The following AUTS2 variants were observed in gnomAD, a reference collection of about 807,000 sequenced individuals.
AUTS2 encodes the protein activator of transcription and developmental regulator AUTS2.
AUTS2 carries 17 observed loss-of-function variants against 112.4 expected under a neutral mutation model. The ratio of observed to expected loss-of-function variants is 0.15; its 90% CI spans 0.10 to 0.23. The LOEUF (loss-of-function observed/expected upper bound fraction) is 0.23, where lower values mean the gene tolerates loss of function less well. Ranked by LOEUF, AUTS2 falls within the 10% of genes least tolerant of loss-of-function variation. The pLI, the probability that AUTS2 is intolerant of heterozygous loss-of-function variation, is 1.00. For missense variants in AUTS2, 1,510 were observed against 1,701.6 expected (o/e 0.89, Z 1.98); for synonymous variants, 751 against 702.7 (o/e 1.07, Z -1.09).
At chr7:70,516,989 T>C (rs1799442461) in intron 5 of AUTS2, among the ~76,000 whole-genome samples, 1 of 152,134 alleles carries the variant, frequency 6.6e-6, no homozygotes, top group African/African-American at 2.4e-5. Context: ...ATATTAGAGA[T>C]AATTAGGTGC....
chr7:69,663,582 TG>T (rs950799383), intron 1 of AUTS2, among the ~76,000 whole-genome samples: 6 of 152,346 alleles, frequency 3.9e-5, no homozygotes, highest in African/African-American at 1.4e-4. Flanking sequence ...CCAACACTTG[TG>T]CTTTTACTGG....
At chr7:70,149,393 T>C (rs995373007) in intron 4 of AUTS2, among the ~76,000 whole-genome samples, 1 of 152,068 alleles carries the variant, frequency 6.6e-6, no homozygotes, top group Non-Finnish European at 1.5e-5. Context: ...TAATTATATT[T>C]CTTAGAAACT....
chr7:70,133,815 T>C (rs1806401497), intron 3 of AUTS2, among the ~76,000 whole-genome samples: 1 of 152,198 alleles, frequency 6.6e-6, no homozygotes, highest in South Asian at 2.1e-4. Flanking sequence ...CCCAAACAAG[T>C]GATGCCCTGC....
At chr7:69,714,411 A>AT (rs1798500971) in intron 1 of AUTS2, among the ~76,000 whole-genome samples, 2 of 151,620 alleles carry the variant, frequency 1.3e-5, no homozygotes, top group South Asian at 2.1e-4. Flanking sequence ...CCCAGTGTAA[A>AT]TTTTTTTTCC....
rs191775614 is a variant in AUTS2 at position 69,893,459 on chromosome 7, A to T, written c.310-5827A>T. ...AATAAACCAGCAAGGGACTTGACAGACCAAAATGACAGGACACAGCCATTA... is the reference window on the plus strand; with the variant it reads ...AATAAACCAGCAAGGGACTTGACAGTCCAAAATGACAGGACACAGCCATTA... On this transcript the variant is annotated intron_variant, in intron 1 of 18. Coordinates refer to ENST00000342771, the MANE Select transcript of AUTS2 (RefSeq NM_015570.4). Among the ~76,000 whole-genome samples, 53 of 152,328 alleles carry T rather than the reference A, an allele frequency of 3.5e-4. 1 individual carries two copies. Among genetic ancestry groups the T allele is most frequent in the Admixed American group, 3.5e-3 (53 of 15,304 alleles).
intron 1 of AUTS2, among the ~76,000 whole-genome samples, chr7:69,748,587 T>G (rs1787608799): frequency 6.6e-6 from 1 of 152,198 alleles, no homozygotes; most frequent in Non-Finnish European, 1.5e-5. Context: ...AAGAGAAATT[T>G]TGTATTCTGA....
At chr7:70,565,852 T>A (rs556469660) in intron 5 of AUTS2, among the ~76,000 whole-genome samples, 1 of 152,336 alleles carries the variant, frequency 6.6e-6, no homozygotes, top group South Asian at 2.1e-4. Context: ...TCTGAACCCT[T>A]TGTTGTAACT....
At position 70,771,457 on chromosome 7, in the gene AUTS2, T is replaced by A. The variant is rs1286919485; in HGVS notation, c.1735-92T>A. Reference sequence around the variant, plus strand: ...ATCAAACTGAGATTACGTGGCTTGCTCATGTCGATGTCTTTCTATGGGACG... The same window carrying A: ...ATCAAACTGAGATTACGTGGCTTGCACATGTCGATGTCTTTCTATGGGACG... On this transcript the variant is annotated intron_variant, in intron 10 of 18. Coordinates refer to ENST00000342771, the MANE Select transcript of AUTS2 (RefSeq NM_015570.4). 2.8e-6 allele frequency: 3 copies of A among 1,061,732 alleles called. No homozygotes were observed. The African/African-American group carries it at 4.7e-5, about 17-fold the overall frequency. 65.8% of individuals were successfully genotyped at this position (1,061,732 alleles called of 1,614,324 possible).
At chr7:69,911,626 G>A (rs1341050495) in intron 2 of AUTS2, among the ~76,000 whole-genome samples, 1 of 152,142 alleles carries the variant, frequency 6.6e-6, no homozygotes, top group East Asian at 1.9e-4. Flanking sequence ...CCACAGGCAG[G>A]TCATCCCTAT....
intron 5 of AUTS2, among the ~76,000 whole-genome samples, chr7:70,560,507 G>C (rs1039541676): frequency 6.6e-6 from 1 of 152,124 alleles, no homozygotes; most frequent in African/African-American, 2.4e-5. Flanking sequence ...TAAAACAACA[G>C]GGTTATTTTT....
chr7:69,773,673 G>A (rs1788769477), intron 1 of AUTS2, among the ~76,000 whole-genome samples: 1 of 152,156 alleles, frequency 6.6e-6, no homozygotes, highest in Admixed American at 6.5e-5. Context: ...AGCAGGCGGT[G>A]CTTCAGTTCC....
chr7:70,245,838 A>G (rs1188966307), intron 4 of AUTS2, among the ~76,000 whole-genome samples: 6 of 152,062 alleles, frequency 3.9e-5, no homozygotes, highest in Non-Finnish European at 7.4e-5. Context: ...AATTGTACCA[A>G]TTTCCACTCT....
intron 1 of AUTS2, among the ~76,000 whole-genome samples, chr7:69,679,936 CCTTTT>C (rs1796719001): frequency 6.6e-6 from 1 of 151,906 alleles, no homozygotes; most frequent in African/African-American, 2.4e-5. Flanking sequence ...AAATCAGTCC[CCTTTT>C]CTTCCTTTAA....
intron 3 of AUTS2, among the ~76,000 whole-genome samples, chr7:70,122,530 C>G (rs908769144): frequency 6.6e-6 from 1 of 151,946 alleles, no homozygotes; most frequent in African/African-American, 2.4e-5. Flanking sequence ...CTTTGTATGC[C>G]TGGCAGTTTT....
intron 2 of AUTS2, among the ~76,000 whole-genome samples, chr7:70,020,860 A>C (rs1482987136): frequency 6.6e-6 from 1 of 151,960 alleles, no homozygotes; most frequent in African/African-American, 2.4e-5. Context: ...TGGCAGAGAC[A>C]AGGTCTTGCC....
chr7:70,786,435 A>G (rs1465987239), intron 17 of AUTS2, among the ~76,000 whole-genome samples: 4 of 152,324 alleles, frequency 2.6e-5, no homozygotes, highest in African/African-American at 9.6e-5. Flanking sequence ...AAAAAGCACA[A>G]TGAAAAATAG....
At chr7:70,531,033 G>A (rs1800062524) in intron 5 of AUTS2, among the ~76,000 whole-genome samples, 1 of 110,986 alleles carries the variant, frequency 9.0e-6, no homozygotes, top group Non-Finnish European at 1.9e-5. Flanking sequence ...GACTTGAGCA[G>A]CTGTGACAGA....
chr7:69,697,941 A>C (rs1435865224), intron 1 of AUTS2, among the ~76,000 whole-genome samples: 3 of 152,210 alleles, frequency 2.0e-5, no homozygotes, highest in Non-Finnish European at 4.4e-5. Flanking sequence ...ACGGCAGTTT[A>C]TAGTGGAGCC....
At chr7:70,264,708 T>C (rs1787334363) in intron 4 of AUTS2, among the ~76,000 whole-genome samples, 1 of 152,194 alleles carries the variant, frequency 6.6e-6, no homozygotes, top group African/African-American at 2.4e-5. Context: ...AGAGAATGTT[T>C]CCTTTTTTTC....
Sources: allele counts gnomAD v4.1 joint callset (sites outside exome capture counted in the v4.1 genomes callset), GRCh38; gene constraint gnomAD v4.1.1; transcripts MANE v1.5; gene names NCBI Gene and HGNC (gene_info 2026-07-23, HGNC 2026-07-21).